PTPRD: variants seen among roughly 807,000 people sequenced by gnomAD.
PTPRD encodes the protein protein tyrosine phosphatase receptor type D.
PTPRD carries 34 observed loss-of-function variants against 214.5 expected under a neutral mutation model. The ratio of observed to expected loss-of-function variants is 0.16; its 90% CI spans 0.12 to 0.21. PTPRD has a LOEUF of 0.21. Among genes scored for constraint, PTPRD ranks in the 10% least tolerant of loss-of-function variants. PTPRD has a pLI of 1.00. For missense variants in PTPRD, 2,545 were observed against 2,398.7 expected (o/e 1.06, Z -1.27); for synonymous variants, 1,128 against 845.7 (o/e 1.33, Z -5.79).
intron 11 of PTPRD, among the ~76,000 whole-genome samples, chr9:8,925,993 C>T (rs536591645): frequency 3.1e-4 from 47 of 151,508 alleles, no homozygotes; most frequent in South Asian, 2.1e-4. Flanking sequence ...CAAACCAGAA[C>T]CCAAACTACT....
chr9:8,959,287 G>A (rs1022793243), intron 11 of PTPRD, among the ~76,000 whole-genome samples: 39 of 151,984 alleles, frequency 2.6e-4, no homozygotes, highest in African/African-American at 9.2e-4. Flanking sequence ...GAAACATAAT[G>A]GGGAAACAAC....
intron 14 of PTPRD, among the ~76,000 whole-genome samples, chr9:8,563,284 C>T (rs942260773): frequency 2.0e-5 from 3 of 152,086 alleles, no homozygotes; most frequent in South Asian, 2.1e-4. Context: ...GGTGAAGTTT[C>T]GCAGGTCTAT....
intron 5 of PTPRD, among the ~76,000 whole-genome samples, chr9:9,886,940 T>C (rs987434410): frequency 6.6e-6 from 1 of 152,120 alleles, no homozygotes; most frequent in African/African-American, 2.4e-5. Flanking sequence ...GCTCCAGTTC[T>C]TGTCTGACTT....
At chr9:8,919,965 T>C (rs1343240430) in intron 11 of PTPRD, among the ~76,000 whole-genome samples, 1 of 151,878 alleles carries the variant, frequency 6.6e-6, no homozygotes, top group East Asian at 1.9e-4. Context: ...TATACGTGTG[T>C]ATGCATGTAT....
At chr9:8,484,469 G>T in intron 29 of PTPRD, 91 bp from the exon 30 acceptor site, 1 of 1,264,440 alleles carries the variant, frequency 7.9e-7, no homozygotes, top group Middle Eastern at 2.0e-4. Flanking sequence ...TTTGGAAAAT[G>T]TATATATAGT....
intron 11 of PTPRD, among the ~76,000 whole-genome samples, chr9:8,992,956 T>C (rs1436073897): frequency 6.6e-6 from 1 of 152,152 alleles, no homozygotes; most frequent in Admixed American, 6.6e-5. Context: ...GCTTTCAAAT[T>C]ACAACACACT....
At chr9:8,638,103 C>CTTTT (rs963311950) in intron 12 of PTPRD, among the ~76,000 whole-genome samples, 6,562 of 126,782 alleles carry the variant, frequency 0.052, 439 homozygotes, top group African/African-American at 0.17. Flanking sequence ...GCTGTTCCTT[C>CTTTT]TTTTTTTTTT....
intron 3 of PTPRD, among the ~76,000 whole-genome samples, chr9:10,118,886 A>G (rs2098752409): frequency 6.7e-6 from 1 of 148,588 alleles, no homozygotes; most frequent in Non-Finnish European, 1.5e-5. Flanking sequence ...AAATAAATAA[A>G]TAAATAAATA....
chr9:8,705,114 G>C (rs1412556690), intron 12 of PTPRD, among the ~76,000 whole-genome samples: 1 of 152,228 alleles, frequency 6.6e-6, no homozygotes, highest in Non-Finnish European at 1.5e-5. Context: ...AAAGGGCTCA[G>C]TGTTGACCAC....
rs184392649 is a variant in PTPRD, at chr9:10,459,648, C to G, written c.-599-118631G>C. Among the ~76,000 whole-genome samples, 626 of 152,174 alleles carry G rather than the reference C, an allele frequency of 4.1e-3. 3 individuals carry two copies. Among genetic ancestry groups the G allele is most frequent in the African/African-American group, 0.014 (591 of 41,540 alleles). The stretch of plus-strand genomic sequence containing the variant: ...GTTTTGATTTGCATTTCTCTAACGA[C>G]CCGTGATGAAGAGCTTTTTTTTTTT... On this transcript the variant is annotated intron_variant, in intron 2 of 45. Coordinates refer to ENST00000381196, the MANE Select transcript of PTPRD (RefSeq NM_002839.4).
intron 11 of PTPRD, among the ~76,000 whole-genome samples, chr9:8,864,553 A>G (rs2098162677): frequency 6.6e-6 from 1 of 152,212 alleles, no homozygotes; most frequent in Non-Finnish European, 1.5e-5. Flanking sequence ...ACACAGAACC[A>G]TGAAATTATT....
intron 4 of PTPRD, among the ~76,000 whole-genome samples, chr9:9,947,541 A>T (rs866212602): frequency 7.8e-5 from 2 of 25,662 alleles, no homozygotes; most frequent in African/African-American, 4.4e-4. Flanking sequence ...TTTTATATAT[A>T]ATATATATAT....
At chr9:9,631,540 A>G (rs2095595434) in intron 7 of PTPRD, among the ~76,000 whole-genome samples, 1 of 152,176 alleles carries the variant, frequency 6.6e-6, no homozygotes, top group Non-Finnish European at 1.5e-5. Context: ...TTTTCTAAAC[A>G]TAGTCTGTAA....
At chr9:10,217,726 CATGTAT>C (rs2099547927) in intron 3 of PTPRD, among the ~76,000 whole-genome samples, 1 of 151,918 alleles carries the variant, frequency 6.6e-6, no homozygotes. Context: ...AATTCAACTA[CATGTAT>C]ATAATAATGG....
chr9:9,996,853 C>A (rs1463480716), intron 4 of PTPRD, among the ~76,000 whole-genome samples: 1 of 152,036 alleles, frequency 6.6e-6, no homozygotes, highest in Non-Finnish European at 1.5e-5. Flanking sequence ...CAACAACAAA[C>A]CCTGAGAGAA....
At chr9:9,468,504 C>G (rs894443223) in intron 8 of PTPRD, among the ~76,000 whole-genome samples, 1 of 152,070 alleles carries the variant, frequency 6.6e-6, no homozygotes, top group Admixed American at 6.5e-5. Flanking sequence ...TTTTCACTTT[C>G]AGCACTCTTC....
intron 9 of PTPRD, among the ~76,000 whole-genome samples, chr9:9,332,100 T>A (rs532789580): frequency 6.6e-6 from 1 of 152,070 alleles, no homozygotes; most frequent in African/African-American, 2.4e-5. Context: ...CTAAAGACAA[T>A]GACAGAGAGC....
At chr9:8,722,528 A>G (rs1472270256) in intron 12 of PTPRD, among the ~76,000 whole-genome samples, 2 of 152,080 alleles carry the variant, frequency 1.3e-5, no homozygotes, top group Non-Finnish European at 2.9e-5. Flanking sequence ...GAAGAAGTTT[A>G]CCAGGAAATA....
chr9:10,547,833 T>C (rs1334620875), intron 2 of PTPRD, among the ~76,000 whole-genome samples: 1 of 152,082 alleles, frequency 6.6e-6, no homozygotes, highest in Non-Finnish European at 1.5e-5. Flanking sequence ...TACTGTTATT[T>C]TATCTTCCAT....
Sources: allele counts gnomAD v4.1 joint callset (sites outside exome capture counted in the v4.1 genomes callset), GRCh38; gene constraint gnomAD v4.1.1; transcripts MANE v1.5; gene names NCBI Gene and HGNC (gene_info 2026-07-23, HGNC 2026-07-21).